The following RGL1 variants were observed in gnomAD, a reference collection of about 807,000 sequenced individuals.
The protein encoded by RGL1 is ral guanine nucleotide dissociation stimulator like 1.
RGL1 carries 24 observed loss-of-function variants against 95.2 expected under a neutral mutation model. The ratio of observed to expected loss-of-function variants is 0.25; its 90% confidence interval spans 0.18 to 0.35. The LOEUF (loss-of-function observed/expected upper bound fraction) is 0.35, where lower values mean the gene tolerates loss of function less well. RGL1 is among the 10% of genes least tolerant of loss of function. The pLI is 1.00. For missense variants in RGL1, 715 were observed against 936.3 expected, an observed-to-expected ratio of 0.76 and a Z score of 3.08; for synonymous variants, 329 against 344.9, an observed-to-expected ratio of 0.95 and a Z score of 0.51.
chr1:183,818,295 C>T (rs1241611694), intron 2 of RGL1, among the ~76,000 whole-genome samples: 1 of 152,164 alleles, frequency 6.6e-6, no homozygotes, highest in African/African-American at 2.4e-5. Flanking sequence ...CATGAAAAGA[C>T]CTGGTCCTAT....
chr1:183,874,213 G>T (rs1666353550), intron 4 of RGL1, among the ~76,000 whole-genome samples: 1 of 152,176 alleles, frequency 6.6e-6, no homozygotes, highest in African/African-American at 2.4e-5. Flanking sequence ...GGAACCTGGG[G>T]CGTAGGTTAA....
rs555482155 is a variant in RGL1 at position 183,748,704 on chromosome 1, G to A, written c.132+6415G>A. ...TACAGGCGTGAGCCACCTTTTATTTGTAATGTTAGTATGTTGATTTTAGAT... is the reference window on the plus strand; with the variant it reads ...TACAGGCGTGAGCCACCTTTTATTTATAATGTTAGTATGTTGATTTTAGAT... On this transcript the variant is annotated intron_variant, in intron 2 of 18. Coordinates refer to the RGL1 transcript ENST00000304685. 1.8e-3 allele frequency among the ~76,000 whole-genome samples: 272 copies of A among 152,118 alleles called. 1 individual carries two copies. The highest frequency in any genetic ancestry group is 2.9e-3 in the Non-Finnish European group (197 of 67,974).
At chr1:183,885,113 T>A (rs1378376063) in intron 7 of RGL1, among the ~76,000 whole-genome samples, 175 bp downstream of exon 7, 2 of 152,192 alleles carry the variant, frequency 1.3e-5, no homozygotes, top group African/African-American at 4.8e-5. Flanking sequence ...TTTCTAAACT[T>A]GGCAGCTTAT....
chr1:183,847,728 A>G lies in RGL1; in HGVS notation c.301A>G (p.Arg101Gly). The G allele has an allele frequency of 1.2e-6, 2 of 1,614,110 alleles. No individual in the cohort carries two copies. The highest frequency in any genetic ancestry group is 1.7e-6 in the Non-Finnish European group (2 of 1,179,946). The change falls in exon 3 of 18, where the codon AGA becomes GGA. Residue 101 changes from arginine (R) to glycine (G), a missense_variant. Arg to Gly is a moderately radical substitution (Grantham distance 125). Around this residue, in one of 3 missense-constraint regions of RGL1, gnomAD observed 381 missense variants for 484.8 expected, o/e 0.79. Transcript: ENST00000360851. ...TYISIFLSTY[R>G]GFASTKEVLE... ...TATCAGCATCTTTCTTTCAACGTAC[A>G]GAGGCTTTGCCTCCACTAAAGAAGT...
chr1:183,918,333 GC>G, intron 16 of RGL1, among the ~76,000 whole-genome samples: 1 of 151,956 alleles, frequency 6.6e-6, no homozygotes, highest in East Asian at 1.9e-4. Flanking sequence ...TGAGGGAGGG[GC>G]TAATAAAGGA....
rs1178320352 is a variant in RGL1, at chr1:183,902,561, C to G, written c.1318-7C>G. 12 of 1,605,308 alleles carry G rather than the reference C, an allele frequency of 7.5e-6. No individual in the cohort carries two copies. The highest frequency in any genetic ancestry group is 1.3e-5 in the African/African-American group (1 of 74,458). On this transcript the variant is annotated splice_polypyrimidine_tract_variant and splice_region_variant and intron_variant, in intron 11 of 17. Coordinates refer to ENST00000360851, the MANE Select transcript of RGL1 (RefSeq NM_001297671.3). ...TTGCTCACTCTTTTTATTAAAATTT[C>G]TTTTAGGGTGGACTGATAAACTTTG... is the stretch of plus-strand genomic sequence containing the variant.
chr1:183,740,039 G>A (rs959233623), intron 1 of RGL1, among the ~76,000 whole-genome samples: 4 of 152,188 alleles, frequency 2.6e-5, no homozygotes, highest in Admixed American at 6.5e-5. Context: ...ACCATTTTAT[G>A]TAGTTTTCCT....
intron 3 of RGL1, among the ~76,000 whole-genome samples, chr1:183,848,626 T>C (rs1269824182): frequency 6.6e-6 from 1 of 152,202 alleles, no homozygotes; most frequent in African/African-American, 2.4e-5. Flanking sequence ...CTAAAAATTC[T>C]TACACTGTGG....
intron 2 of RGL1, among the ~76,000 whole-genome samples, chr1:183,809,903 G>C (rs1190840521): frequency 6.6e-6 from 1 of 152,190 alleles, no homozygotes; most frequent in Non-Finnish European, 1.5e-5. Context: ...GCTGTAGCGA[G>C]CCATGATTGC....
intron 1 of RGL1, among the ~76,000 whole-genome samples, chr1:183,670,198 G>GGGT (rs1652348416): frequency 6.6e-6 from 1 of 152,160 alleles, no homozygotes; most frequent in South Asian, 2.1e-4. Context: ...GACTTAGAAG[G>GGGT]GGTTGGAATT....
At chr1:183,835,743 G>A (rs1663603221) in intron 2 of RGL1, among the ~76,000 whole-genome samples, 2 of 152,178 alleles carry the variant, frequency 1.3e-5, no homozygotes, top group East Asian at 1.9e-4. Context: ...AAAGTAGTTG[G>A]TGTAGGGGAA....
chr1:183,737,392 A>C (rs944445112), intron 1 of RGL1, among the ~76,000 whole-genome samples: 1 of 152,194 alleles, frequency 6.6e-6, no homozygotes, highest in African/African-American at 2.4e-5. Context: ...TTATTTTGGA[A>C]GGAATAGAAG....
chr1:183,690,813 A>G (rs1653901756), intron 1 of RGL1, among the ~76,000 whole-genome samples: 1 of 152,134 alleles, frequency 6.6e-6, no homozygotes, highest in Middle Eastern at 3.2e-3. Context: ...ACTTGTTAAT[A>G]GTTTTGCTTT....
chr1:183,864,802 G>T (rs1299618603), intron 3 of RGL1, among the ~76,000 whole-genome samples: 1 of 152,074 alleles, frequency 6.6e-6, no homozygotes, highest in Non-Finnish European at 1.5e-5. Flanking sequence ...GTGCCTAAGG[G>T]CGCAAACTGG....
At chr1:183,777,070 C>T (rs1659643087) in intron 2 of RGL1, among the ~76,000 whole-genome samples, 1 of 152,156 alleles carries the variant, frequency 6.6e-6, no homozygotes, top group African/African-American at 2.4e-5. Flanking sequence ...ATAGATGGAT[C>T]GAAGCTGTCC....
intron 1 of RGL1, among the ~76,000 whole-genome samples, chr1:183,675,881 C>T (rs1652796555): frequency 6.6e-6 from 1 of 152,164 alleles, no homozygotes; most frequent in African/African-American, 2.4e-5. Context: ...TGTGGTGGCT[C>T]ATGCCTGTGA....
At chr1:183,758,122 C>T (rs1658453612) in intron 2 of RGL1, among the ~76,000 whole-genome samples, 1 of 152,208 alleles carries the variant, frequency 6.6e-6, no homozygotes, top group South Asian at 2.1e-4. Context: ...TCTCAGTTCT[C>T]CTATATATCA....
intron 1 of RGL1, among the ~76,000 whole-genome samples, chr1:183,655,625 G>C (rs1380622681): frequency 6.6e-6 from 1 of 152,206 alleles, no homozygotes; most frequent in Non-Finnish European, 1.5e-5. Context: ...AAAGCAGAGG[G>C]TGGATCTTCG....
At chr1:183,676,991 CA>C (rs1362810014) in intron 1 of RGL1, among the ~76,000 whole-genome samples, 1 of 151,430 alleles carries the variant, frequency 6.6e-6, no homozygotes, top group Non-Finnish European at 1.5e-5. Context: ...GCAATATCAG[CA>C]AATTATTGAT....
Sources: allele counts gnomAD v4.1 joint callset (sites outside exome capture counted in the v4.1 genomes callset), GRCh38; gene constraint gnomAD v4.1.1; regional missense constraint gnomAD v4.1.1; transcripts MANE v1.5; gene names NCBI Gene and HGNC (gene_info 2026-07-23, HGNC 2026-07-21).